CEACAM21: variants seen among roughly 807,000 people sequenced by gnomAD.
CEACAM21 encodes the protein CEA cell adhesion molecule 21, also known as cell adhesion molecule CEACAM21.
CEACAM21 carries 38 observed loss-of-function variants against 33.2 expected under a neutral mutation model. The observed-to-expected ratio is 1.14, with a 90% CI of 0.88 to 1.50. CEACAM21 has a LOEUF of 1.50. Ranked by LOEUF, CEACAM21 falls within the 40% of genes most tolerant of loss-of-function variation. CEACAM21 has a pLI of 0.00. For synonymous variants in CEACAM21, 156 were observed against 143.0 expected, an observed-to-expected ratio of 1.09 and a Z score of -0.65; for missense variants, 385 against 364.6, an observed-to-expected ratio of 1.06 and a Z score of -0.46.
chr19:41,558,798 A>G (rs1555786132), intron 1 of CEACAM21, among the ~76,000 whole-genome samples: 1 of 152,234 alleles, frequency 6.6e-6, no homozygotes, highest in East Asian at 1.9e-4. Context: ...CCTCAGTAAT[A>G]GATAATTAAT....
At chr19:41,571,706 G>A (rs563748698), upstream of CEACAM21, among the ~76,000 whole-genome samples, 8 of 152,342 alleles carry the variant, frequency 5.3e-5, no homozygotes, top group East Asian at 1.5e-3. Context: ...TGCAATCAGT[G>A]TCTGGACAGT....
At chr19:41,569,079 A>G (rs17710743) in intron 2 of CEACAM21, among the ~76,000 whole-genome samples, 9,140 of 152,310 alleles carry the variant, frequency 0.06, 384 homozygotes, top group Non-Finnish European at 0.09. Flanking sequence ...AAATTTTAGC[A>G]GTAGATAGCT....
intron 3 of CEACAM21, among the ~76,000 whole-genome samples, chr19:41,583,963 C>T (rs912164085): frequency 2.6e-5 from 4 of 152,128 alleles, no homozygotes; most frequent in Admixed American, 2.6e-4. Flanking sequence ...TGAAAACAGT[C>T]AATGAACATC....
At chr19:41,556,858 A>T (rs1555785727) in intron 1 of CEACAM21, among the ~76,000 whole-genome samples, 1 of 152,234 alleles carries the variant, frequency 6.6e-6, no homozygotes, top group East Asian at 1.9e-4. Context: ...AAGGATTTTT[A>T]ATGCAAGCCA....
At chr19:41,578,703 A>G (rs1212963990) in intron 2 of CEACAM21, among the ~76,000 whole-genome samples, 2 of 152,204 alleles carry the variant, frequency 1.3e-5, no homozygotes, top group African/African-American at 4.8e-5. Context: ...TGTCTCAACT[A>G]TCAGACTCAA....
chr19:41,562,226 C>T (rs1232992199), intron 1 of CEACAM21, among the ~76,000 whole-genome samples: 6 of 149,574 alleles, frequency 4.0e-5, no homozygotes. Context: ...GCCTAGGTGA[C>T]AGAGCAAGAC....
intron 1 of CEACAM21, among the ~76,000 whole-genome samples, chr19:41,560,882 T>A (rs376376115): frequency 6.6e-6 from 1 of 152,034 alleles, no homozygotes; most frequent in African/African-American, 2.4e-5. Context: ...CTTTATACAA[T>A]CAGAGAGCAA....
At chr19:41,565,254 C>T (rs2042174780) in intron 2 of CEACAM21, among the ~76,000 whole-genome samples, 1 of 152,214 alleles carries the variant, frequency 6.6e-6, no homozygotes, top group African/African-American at 2.4e-5. Flanking sequence ...ACCGCCACCG[C>T]TACTCCAGGA....
At chr19:41,583,890 T>C (rs577260872) in intron 3 of CEACAM21, among the ~76,000 whole-genome samples, 26 of 151,678 alleles carry the variant, frequency 1.7e-4, no homozygotes, top group Admixed American at 1.3e-3. Flanking sequence ...CTCAAGGCAA[T>C]GGGAGGGTGA....
chr19:41,552,613 A>G (rs778874753), intron 1 of CEACAM21, among the ~76,000 whole-genome samples: 1 of 152,218 alleles, frequency 6.6e-6, no homozygotes, highest in African/African-American at 2.4e-5. Flanking sequence ...CATGATTTCT[A>G]TCATGCTTGT....
chr19:41,558,825 G>A (rs2041698741), intron 1 of CEACAM21, among the ~76,000 whole-genome samples: 3 of 152,192 alleles, frequency 2.0e-5, no homozygotes, highest in Admixed American at 2.0e-4. Flanking sequence ...CTTAAACGAT[G>A]TATTAAAATA....
intron 2 of CEACAM21, among the ~76,000 whole-genome samples, chr19:41,568,466 A>T (rs2042404133): frequency 1.3e-5 from 2 of 152,154 alleles, no homozygotes; most frequent in Admixed American, 6.5e-5. Context: ...TTTTTTGTGC[A>T]TGGTGAGGGA....
intron 6 of CEACAM21, chr19:41,586,127 C>A: frequency 1.7e-6 from 1 of 603,544 alleles, no homozygotes; most frequent in South Asian, 1.9e-5. Context: ...TTCCCTGTCC[C>A]CTGACACCCC....
At chr19:41,565,600 C>T (rs1458375969) in intron 2 of CEACAM21, 1 of 146,598 alleles carries the variant, frequency 6.8e-6, no homozygotes, top group East Asian at 2.0e-4. Flanking sequence ...TCATAGCTCA[C>T]TGCAGCCTCG....
chr19:41,584,509 C>A (rs2070569335), intron 4 of CEACAM21, 66 bp downstream of exon 4: 1 of 1,415,946 alleles, frequency 7.1e-7, no homozygotes, highest in Non-Finnish European at 9.8e-7. Context: ...AGGAAGGAGA[C>A]CCTGTCTTGT....
At chr19:41,568,087 G>A (rs1219035846) in intron 2 of CEACAM21, among the ~76,000 whole-genome samples, 1 of 152,134 alleles carries the variant, frequency 6.6e-6, no homozygotes, top group African/African-American at 2.4e-5. Flanking sequence ...GACTGTGGAT[G>A]TGGCCTCTGT....
chr19:41,571,492 G>T (rs183311034), upstream of CEACAM21, among the ~76,000 whole-genome samples: 1 of 152,254 alleles, frequency 6.6e-6, no homozygotes, highest in African/African-American at 2.4e-5. Flanking sequence ...AGAAGAAAAT[G>T]CATGACCCCA....
chr19:41,572,663 C>A (rs1299454442), upstream of CEACAM21, among the ~76,000 whole-genome samples: 1 of 152,142 alleles, frequency 6.6e-6, no homozygotes, highest in Non-Finnish European at 1.5e-5. Flanking sequence ...TGTGCACACC[C>A]AAAACCACCC....
intron 2 of CEACAM21, among the ~76,000 whole-genome samples, chr19:41,567,501 C>A (rs1249737954): frequency 6.6e-6 from 1 of 152,174 alleles, no homozygotes; most frequent in Non-Finnish European, 1.5e-5. Flanking sequence ...ACTCAGCAAA[C>A]AACAATTTAG....
Sources: gnomAD v4.1 joint callset for allele counts (sites outside exome capture counted in the v4.1 genomes callset) on GRCh38, gnomAD v4.1.1 for gene constraint, MANE v1.5 for transcripts, NCBI Gene and HGNC (gene_info 2026-07-23, HGNC 2026-07-21) for gene names.